The following GPC5 variants were observed in gnomAD, a reference collection of about 807,000 sequenced individuals.
GPC5 encodes glypican-5.
Under a neutral mutation model 53.9 loss-of-function variants are expected in GPC5, and 47 were observed. The ratio of observed to expected loss-of-function variants is 0.87; its 90% CI spans 0.69 to 1.11. The LOEUF (loss-of-function observed/expected upper bound fraction) is 1.11. Among genes scored for constraint, GPC5 ranks in the 50% most tolerant of loss-of-function variants. The probability of loss-of-function intolerance (pLI) is 0.00; values close to 1 mark genes in which losing one functional copy is unlikely to be tolerated. For synonymous variants in GPC5, 286 were observed against 263.3 expected (o/e 1.09, Z -0.84); for missense variants, 748 against 713.1 (o/e 1.05, Z -0.56).
At position 91,513,507 on chromosome 13, in the gene GPC5, G is replaced by A. The variant is rs1227380658; in HGVS notation, c.325+64585G>A. On this transcript the variant is annotated intron_variant, in intron 2 of 7. Coordinates refer to ENST00000377067, the MANE Select transcript of GPC5 (RefSeq NM_004466.6). ...TGTAATCCCAGCACTCTGGGAGGCT[G>A]AGATGGGTGGATCACCTGAGGTCAG... Among the ~76,000 whole-genome samples the A allele has an allele frequency of 5.3e-5, 8 of 152,058 alleles. No individual in the cohort carries two copies. The South Asian group carries it at 1.2e-3, about 24-fold the overall frequency.
chr13:91,446,657 C>A (rs1016216482), intron 1 of GPC5, among the ~76,000 whole-genome samples: 2 of 152,114 alleles, frequency 1.3e-5, no homozygotes, highest in Non-Finnish European at 2.9e-5. Context: ...TCTTATTATG[C>A]CCTTTGTGCT....
chr13:92,645,785 T>C (rs1885748643), intron 7 of GPC5, among the ~76,000 whole-genome samples: 1 of 152,084 alleles, frequency 6.6e-6, no homozygotes, highest in Admixed American at 6.6e-5. Flanking sequence ...TTAATAATTT[T>C]GATCATTTTT....
intron 7 of GPC5, among the ~76,000 whole-genome samples, chr13:92,430,011 C>T (rs1171918342): frequency 6.6e-6 from 1 of 150,906 alleles, no homozygotes; most frequent in Non-Finnish European, 1.5e-5. Context: ...TGAGGTAACG[C>T]ATATGTTATC....
chr13:91,545,399 C>T (rs190352635), intron 2 of GPC5, among the ~76,000 whole-genome samples: 8 of 152,144 alleles, frequency 5.3e-5, no homozygotes, highest in Admixed American at 5.2e-4. Flanking sequence ...TACATATTTA[C>T]CCATCTTTTG....
At chr13:92,351,718 C>T (rs2043479230) in intron 7 of GPC5, among the ~76,000 whole-genome samples, 1 of 151,866 alleles carries the variant, frequency 6.6e-6, no homozygotes, top group Admixed American at 6.6e-5. Context: ...ACAAAGGCAG[C>T]AAACTAGAAA....
At chr13:92,546,519 G>A (rs9589574) in intron 7 of GPC5, among the ~76,000 whole-genome samples, 11,418 of 152,172 alleles carry the variant, frequency 0.075, 1,291 homozygotes, top group African/African-American at 0.24. Context: ...AATAAAAAAG[G>A]ATACAAACAA....
intron 7 of GPC5, among the ~76,000 whole-genome samples, chr13:92,405,286 C>T (rs778262327): frequency 1.4e-4 from 21 of 152,070 alleles, no homozygotes; most frequent in Non-Finnish European, 2.8e-4. Context: ...GTAGACACAC[C>T]AATTAACTTA....
chr13:91,946,141 GTAC>G (rs2139052154), intron 6 of GPC5, among the ~76,000 whole-genome samples: 1 of 152,174 alleles, frequency 6.6e-6, no homozygotes, highest in African/African-American at 2.4e-5. Flanking sequence ...TTCCCAAAAT[GTAC>G]TCCTTGCTCA....
intron 7 of GPC5, among the ~76,000 whole-genome samples, chr13:92,737,288 C>G (rs1030841490): frequency 1.3e-5 from 2 of 151,898 alleles, no homozygotes; most frequent in Non-Finnish European, 2.9e-5. Context: ...CAAAATAGTT[C>G]AGAAAAAATG....
At chr13:91,421,131 G>A (rs779662664) in intron 1 of GPC5, among the ~76,000 whole-genome samples, 13 of 152,246 alleles carry the variant, frequency 8.5e-5, no homozygotes, top group South Asian at 2.1e-4. Flanking sequence ...ATCATCTTCC[G>A]TAGTCACCAG....
At chr13:91,810,680 T>C (rs2038296642) in intron 5 of GPC5, among the ~76,000 whole-genome samples, 1 of 151,934 alleles carries the variant, frequency 6.6e-6, no homozygotes, top group South Asian at 2.1e-4. Context: ...GGTCCAATAG[T>C]AGACGGATGA....
intron 7 of GPC5, among the ~76,000 whole-genome samples, chr13:92,438,705 G>A (rs1311630675): frequency 2.0e-5 from 3 of 151,982 alleles, no homozygotes; most frequent in African/African-American, 4.8e-5. Flanking sequence ...GACAATGGTC[G>A]TGGCATAAAG....
chr13:92,396,073 G>A (rs77037229), intron 7 of GPC5, among the ~76,000 whole-genome samples: 7 of 22,310 alleles, frequency 3.1e-4, no homozygotes, highest in Non-Finnish European at 5.8e-4. Context: ...TTTTTTGCTC[G>A]TGTTTGAATT....
At chr13:91,596,715 A>T (rs1407145604) in intron 2 of GPC5, among the ~76,000 whole-genome samples, 2 of 152,138 alleles carry the variant, frequency 1.3e-5, no homozygotes, top group Non-Finnish European at 2.9e-5. Context: ...ATTTTTCCTT[A>T]CCACAAGGCA....
At chr13:91,979,899 T>C (rs1566375993) in intron 6 of GPC5, among the ~76,000 whole-genome samples, 1 of 152,250 alleles carries the variant, frequency 6.6e-6, no homozygotes, top group Admixed American at 6.5e-5. Context: ...TATGACTGTG[T>C]TGAACACTGA....
At chr13:92,343,058 A>G (rs1036384072) in intron 7 of GPC5, among the ~76,000 whole-genome samples, 1 of 152,200 alleles carries the variant, frequency 6.6e-6, no homozygotes, top group Non-Finnish European at 1.5e-5. Flanking sequence ...ATGAAACTAT[A>G]CCATAGTGAG....
At chr13:92,787,009 T>C (rs183743090) in intron 7 of GPC5, among the ~76,000 whole-genome samples, 241 of 152,294 alleles carry the variant, frequency 1.6e-3, no homozygotes, top group Non-Finnish European at 2.4e-3. Context: ...ATAAAACCAC[T>C]TGGACTGACC....
chr13:92,086,413 T>C (rs371730646), intron 6 of GPC5, among the ~76,000 whole-genome samples: 8 of 152,216 alleles, frequency 5.3e-5, no homozygotes, highest in African/African-American at 1.7e-4. Flanking sequence ...TTCAATAACA[T>C]GTATTTCTAC....
intron 7 of GPC5, among the ~76,000 whole-genome samples, chr13:92,494,246 C>A (rs1300883613): frequency 1.3e-5 from 2 of 152,158 alleles, no homozygotes; most frequent in African/African-American, 4.8e-5. Flanking sequence ...CCCGCCACTA[C>A]GCCCGGCTAA....
Sources: allele counts gnomAD v4.1 joint callset (sites outside exome capture counted in the v4.1 genomes callset), GRCh38; gene constraint gnomAD v4.1.1; transcripts MANE v1.5; gene names NCBI Gene and HGNC (gene_info 2026-07-23, HGNC 2026-07-21).